The following RNF41 variants were observed in gnomAD, a reference collection of about 807,000 sequenced individuals.
RNF41 encodes the protein ring finger protein 41, also known as E3 ubiquitin-protein ligase NRDP1.
In RNF41, 4 loss-of-function variants were observed where a neutral mutation model predicts 33.0. The observed-to-expected ratio is 0.12, with a 90% CI of 0.06 to 0.28. The LOEUF (loss-of-function observed/expected upper bound fraction) is 0.28, where lower values mean the gene tolerates loss of function less well. Ranked by LOEUF, RNF41 falls within the 10% of genes least tolerant of loss-of-function variation. The probability of loss-of-function intolerance (pLI) is 1.00; values close to 1 mark genes in which losing one functional copy is unlikely to be tolerated. For missense variants in RNF41, 228 were observed against 432.6 expected, an observed-to-expected ratio of 0.53 and a Z score of 4.19; for synonymous variants, 164 against 153.2, an observed-to-expected ratio of 1.07 and a Z score of -0.52.
intron 3 of RNF41, among the ~76,000 whole-genome samples, chr12:56,211,864 T>C (rs1868506615): frequency 6.6e-6 from 1 of 152,006 alleles, no homozygotes; most frequent in African/African-American, 2.4e-5. Flanking sequence ...CTCAGCTATT[T>C]AGGAGGCTGA....
In RNF41 at chr12:56,207,695, G is replaced by T; in HGVS notation, c.553C>A (p.Pro185Thr). The T allele has an allele frequency of 3.1e-6, 5 of 1,614,144 alleles. No individual in the cohort carries two copies. The highest frequency in any genetic ancestry group is 4.2e-6 in the Non-Finnish European group (5 of 1,179,982). ...AYMRAIRSVN[P>T]NLQNLEETIE... is the part of the protein sequence containing the mutation. ...GTCTCCTCCAGGTTCTGAAGGTTGGGGTTGACACTGCGGATTGCACGCATG... is the reference window on the plus strand; with the variant it reads ...GTCTCCTCCAGGTTCTGAAGGTTGGTGTTGACACTGCGGATTGCACGCATG... Residue 185 changes from proline (P) to threonine (T), a missense_variant, in exon 6 of 7, where the codon CCC becomes ACC. By Grantham distance (38) the Pro-to-Thr change is conservative (BLOSUM62 -1). Coordinates refer to ENST00000345093, the MANE Select transcript of RNF41 (RefSeq NM_005785.4).
In RNF41 at chr12:56,206,320, G is replaced by C; in HGVS notation, c.*127C>G. 1.2e-6 allele frequency: 1 copy of C among 838,984 alleles called. No homozygotes were observed. The highest frequency in any genetic ancestry group is 1.9e-6 in the Non-Finnish European group (1 of 529,644). 52.0% of individuals were successfully genotyped at this position (838,984 alleles called of 1,614,324 possible). A position where few individuals can be genotyped will look rare whatever the true frequency, so the allele number is the denominator to read the frequency against. On this transcript the variant is annotated 3_prime_UTR_variant, in exon 7 of 7. Transcript: ENST00000345093. This position sits in a 1 kb window ranked among gnomAD's most constrained non-coding sequence, Gnocchi z 5.7. ...CCCCAAGGCCCTTCAGTGCCAGAAG[G>C]GCAGGGAGATGTGTGGCTCAGGTAT...
At chr12:56,213,883 C>T (rs1470799317) in intron 3 of RNF41, 75 bp downstream of exon 3, 6 of 958,670 alleles carry the variant, frequency 6.3e-6, no homozygotes, top group East Asian at 2.4e-5. Context: ...CCATGGGTCC[C>T]GCTGCCCATG....
chr12:56,210,003 A>C (rs1868368196), intron 4 of RNF41: 1 of 396,690 alleles, frequency 2.5e-6, no homozygotes, highest in Admixed American at 3.9e-5. Context: ...TCAACCTGAC[A>C]AACGGAAAGT....
rs1878779358 is a variant in RNF41 at position 56,204,995 on chromosome 12, A to AG, written c.*1451dup. 1 of 152,246 alleles carries AG rather than the reference A, an allele frequency of 6.6e-6. No individual in the cohort carries two copies. Among genetic ancestry groups the AG allele is most frequent in the South Asian group, 2.1e-4 (1 of 4,838 alleles). The allele number at this position is 152,246 out of a possible 1,614,324, so 9.4% of individuals were successfully genotyped here. On this transcript the variant is annotated 3_prime_UTR_variant, in exon 7 of 7. Coordinates refer to ENST00000345093, the MANE Select transcript of RNF41 (RefSeq NM_005785.4). The stretch of plus-strand genomic sequence containing the variant: ...CACTCTAGGGATCAAGGTATACCCC[A>AG]GGTAACCTGAAATGGAACTGAAGTC...
rs755897721 is a variant in RNF41 at position 56,210,262 on chromosome 12, C to A, written c.362+35G>T. ...AGACAGGGGCATAAATGAGATGGCC[C>A]TTATCCATGTGGGGCAGAAGGGAAC... is the stretch of plus-strand genomic sequence containing the variant. On this transcript the variant is annotated intron_variant, in intron 4 of 6. Coordinates refer to ENST00000345093, the MANE Select transcript of RNF41 (RefSeq NM_005785.4). 7 of 1,600,952 alleles carry A rather than the reference C, an allele frequency of 4.4e-6. No individual in the cohort carries two copies. In the South Asian group the frequency reaches 7.7e-5, roughly 18 times the overall value.
chr12:56,221,434 G>A (rs1869423283), intron 1 of RNF41, among the ~76,000 whole-genome samples: 1 of 152,000 alleles, frequency 6.6e-6, no homozygotes, highest in Admixed American at 6.6e-5. Flanking sequence ...CTCCCCTTCT[G>A]GCCCGTCAAT....
intron 4 of RNF41, 61 bp from the exon 5 acceptor site, chr12:56,208,359 G>A: frequency 1.3e-6 from 2 of 1,578,020 alleles, no homozygotes; most frequent in Non-Finnish European, 1.7e-6. Flanking sequence ...GTATGCAAAT[G>A]GCCTATTCTG....
intron 3 of RNF41, among the ~76,000 whole-genome samples, chr12:56,211,484 G>A (rs1010878773): frequency 2.4e-4 from 37 of 151,948 alleles, no homozygotes; most frequent in Non-Finnish European, 2.9e-5. Context: ...ACACAAGGCA[G>A]CCAATTATTA....
At chr12:56,218,841 C>T (rs956879308) in intron 1 of RNF41, among the ~76,000 whole-genome samples, 2 of 151,376 alleles carry the variant, frequency 1.3e-5, no homozygotes, top group African/African-American at 2.4e-5. Context: ...GTAGCTGGGA[C>T]TACAGGCATG....
rs1878662801 is a variant in RNF41, at chr12:56,203,155, G to A, written c.*3292C>T. The A allele has an allele frequency of 6.8e-6, 1 of 147,414 alleles. No individual in the cohort carries two copies. Among genetic ancestry groups the A allele is most frequent in the South Asian group, 2.3e-4 (1 of 4,406 alleles). 9.1% of individuals were successfully genotyped at this position (147,414 alleles called of 1,614,324 possible). ...TGCTCAAATTTAAAACAAACTTCTG[G>A]GAGGAGGAAAAGATATCCCTTTTTC... On this transcript the variant is annotated 3_prime_UTR_variant, in exon 7 of 7. Transcript: ENST00000345093.
intron 3 of RNF41, among the ~76,000 whole-genome samples, chr12:56,212,095 A>G (rs1381726162): frequency 6.6e-6 from 1 of 152,252 alleles, no homozygotes; most frequent in Non-Finnish European, 1.5e-5. Flanking sequence ...AGACTGGCCA[A>G]CATGGTGAAA....
intron 2 of RNF41, among the ~76,000 whole-genome samples, chr12:56,214,777 C>G (rs765829538): frequency 3.3e-5 from 5 of 151,720 alleles, no homozygotes; most frequent in Non-Finnish European, 7.4e-5. Flanking sequence ...TGCAGTGAGC[C>G]GAGATTGCAC....
intron 3 of RNF41, chr12:56,213,005 G>A (rs755112781): frequency 5.4e-5 from 69 of 1,289,582 alleles, no homozygotes; most frequent in Non-Finnish European, 6.7e-5. Flanking sequence ...CCTGGTAATC[G>A]TGAGCTTCTC....
intron 1 of RNF41, among the ~76,000 whole-genome samples, chr12:56,219,370 T>A (rs971476220): frequency 4.0e-4 from 61 of 151,522 alleles, no homozygotes; most frequent in African/African-American, 1.5e-3. Context: ...TTTTTTTTTT[T>A]ATTTTTAGTA....
In RNF41 at chr12:56,216,958, G is replaced by A. The variant is rs891205175; in HGVS notation, c.-208-345C>T. 2.0e-5 allele frequency among the ~76,000 whole-genome samples: 3 copies of A among 151,858 alleles called. No individual in the cohort carries two copies. The South Asian group carries it at 6.2e-4, about 32-fold the overall frequency. Reference sequence around the variant, plus strand: ...GATCAAGACCGTCCTGGCTAACACGGTGAAACCCCGTCTCTACTAAAAATA... The same window carrying A: ...GATCAAGACCGTCCTGGCTAACACGATGAAACCCCGTCTCTACTAAAAATA... On this transcript the variant is annotated intron_variant, in intron 1 of 6. Transcript: ENST00000345093.
At chr12:56,209,226 A>AT (rs1868343521) in intron 4 of RNF41, among the ~76,000 whole-genome samples, 1 of 152,064 alleles carries the variant, frequency 6.6e-6, no homozygotes, top group African/African-American at 2.4e-5. Context: ...CCTCCTACAG[A>AT]TTCTGCCTGT....
Position 56,206,964 on chromosome 12 carries a change from C to G in RNF41, c.603-166G>C, listed in dbSNP as rs980213973. On this transcript the variant is annotated intron_variant, in intron 6 of 6. Transcript: ENST00000345093. This position sits in a 1 kb window ranked among gnomAD's most constrained non-coding sequence, Gnocchi z 5.7. The stretch of plus-strand genomic sequence containing the variant: ...CCCCAAATCTTTCCCCACTTGGTCC[C>G]AACTGAGTCACCACATGTTACTCAC... Among the ~76,000 whole-genome samples the G allele has an allele frequency of 6.6e-6, 1 of 152,206 alleles. No homozygotes were observed. The highest frequency in any genetic ancestry group is 6.5e-5 in the Admixed American group (1 of 15,282).
intron 3 of RNF41, among the ~76,000 whole-genome samples, chr12:56,211,907 G>C (rs1868510445): frequency 1.3e-5 from 2 of 152,124 alleles, no homozygotes; most frequent in Non-Finnish European, 2.9e-5. Flanking sequence ...GGGAGGCAGA[G>C]CTTGCAGTGA....
Sources: gnomAD v4.1 joint callset for allele counts (sites outside exome capture counted in the v4.1 genomes callset) on GRCh38, gnomAD v4.1.1 for gene constraint, Gnocchi (gnomAD v3.1) non-coding constraint, MANE v1.5 for transcripts, NCBI Gene and HGNC (gene_info 2026-07-23, HGNC 2026-07-21) for gene names.